TRAF3IP1: variants seen among roughly 807,000 people sequenced by gnomAD.
The protein encoded by TRAF3IP1 is intraflagellar transport 54, also known as TRAF3-interacting protein 1.
TRAF3IP1 carries 53 observed loss-of-function variants against 89.9 expected under a neutral mutation model. The observed-to-expected ratio is 0.59, with a 90% CI of 0.47 to 0.74. TRAF3IP1 has a LOEUF of 0.74. Ranked by LOEUF, TRAF3IP1 falls within the 30% of genes least tolerant of loss-of-function variation. The pLI, the probability that TRAF3IP1 is intolerant of heterozygous loss-of-function variation, is 0.00. For missense variants in TRAF3IP1, 806 were observed against 866.1 expected (o/e 0.93, Z 0.87); for synonymous variants, 311 against 322.1 (o/e 0.97, Z 0.37).
In TRAF3IP1 at chr2:238,395,206, AAG is replaced by A. The variant is rs548056680; in HGVS notation, c.1690-2243_1690-2242del. Among the ~76,000 whole-genome samples the A allele has an allele frequency of 5.3e-5, 8 of 152,234 alleles. 1 individual carries two copies. In the South Asian group the frequency reaches 1.7e-3, roughly 32 times the overall value. On this transcript the variant is annotated intron_variant, in intron 15 of 16. Coordinates refer to ENST00000373327, the MANE Select transcript of TRAF3IP1 (RefSeq NM_015650.4). ...CATAGTGAGACCCTGGCTGTAAAGA[AAG>A]AGAGAGAGAAGAAAGAAAGGGAAGA...
intron 7 of TRAF3IP1, among the ~76,000 whole-genome samples, chr2:238,336,383 C>T (rs1017988705): frequency 6.6e-6 from 1 of 152,180 alleles, no homozygotes; most frequent in Admixed American, 6.5e-5. Context: ...GCAAAGCTGG[C>T]ACTCTGCCTG....
chr2:238,380,015 G>T (rs1700478264), intron 15 of TRAF3IP1, among the ~76,000 whole-genome samples: 1 of 152,226 alleles, frequency 6.6e-6, no homozygotes, highest in Non-Finnish European at 1.5e-5. Flanking sequence ...CTGCCTATGA[G>T]ATGGAAAGGG....
chr2:238,357,289 T>A (rs1474170446), intron 15 of TRAF3IP1, among the ~76,000 whole-genome samples: 2 of 152,166 alleles, frequency 1.3e-5, no homozygotes, highest in African/African-American at 4.8e-5. Flanking sequence ...TTACAGTCAC[T>A]TTAAAGAGGA....
intron 15 of TRAF3IP1, among the ~76,000 whole-genome samples, chr2:238,368,355 A>G (rs1342074199): frequency 6.6e-6 from 1 of 152,202 alleles, no homozygotes; most frequent in Admixed American, 6.5e-5. Flanking sequence ...TCGATTTCCT[A>G]TTTATAGCAG....
chr2:238,381,749 G>T (rs1042277112), intron 15 of TRAF3IP1, among the ~76,000 whole-genome samples: 1 of 152,226 alleles, frequency 6.6e-6, no homozygotes, highest in Non-Finnish European at 1.5e-5. Flanking sequence ...AGCACCTCAC[G>T]TGAGCAGAAC....
intron 10 of TRAF3IP1, among the ~76,000 whole-genome samples, chr2:238,347,835 C>G (rs1019030072): frequency 6.6e-6 from 1 of 152,130 alleles, no homozygotes; most frequent in Non-Finnish European, 1.5e-5. Flanking sequence ...CCATGTTGGT[C>G]AAGCTGGTCT....
At chr2:238,374,248 T>C (rs1700224626) in intron 15 of TRAF3IP1, among the ~76,000 whole-genome samples, 2 of 152,256 alleles carry the variant, frequency 1.3e-5, no homozygotes, top group African/African-American at 4.8e-5. Context: ...GCCCATTCAG[T>C]ATGATATTGG....
chr2:238,355,994 T>C lies in TRAF3IP1; in HGVS notation c.1613-10T>C. ...AAACTTTTAACATAAAATCACTGATTTTTCAACAGGTGGACTTGTGAAAAA... is the reference window on the plus strand; with the variant it reads ...AAACTTTTAACATAAAATCACTGATCTTTCAACAGGTGGACTTGTGAAAAA... On this transcript the variant is annotated splice_polypyrimidine_tract_variant and intron_variant, in intron 14 of 16. Transcript: ENST00000373327. 2 of 1,610,256 alleles carry C rather than the reference T, an allele frequency of 1.2e-6. No individual in the cohort carries two copies. Among genetic ancestry groups the C allele is most frequent in the South Asian group, 1.1e-5 (1 of 90,798 alleles).
chr2:238,365,481 C>T (rs1044605858), intron 15 of TRAF3IP1, among the ~76,000 whole-genome samples: 3 of 151,924 alleles, frequency 2.0e-5, no homozygotes, highest in African/African-American at 4.8e-5. Context: ...GGCAACATAG[C>T]GAGACACCAT....
chr2:238,323,877 C>T (rs1697682961), intron 1 of TRAF3IP1, among the ~76,000 whole-genome samples: 1 of 152,030 alleles, frequency 6.6e-6, no homozygotes, highest in East Asian at 1.9e-4. Flanking sequence ...AAAATAATTG[C>T]CCTAAAAGCT....
At chr2:238,360,646 G>A (rs2106337237) in intron 15 of TRAF3IP1, among the ~76,000 whole-genome samples, 1 of 152,256 alleles carries the variant, frequency 6.6e-6, no homozygotes, top group East Asian at 1.9e-4. Flanking sequence ...CACTTTAGGA[G>A]GCCGAGGCAG....
chr2:238,361,235 G>T (rs1699647139), intron 15 of TRAF3IP1, among the ~76,000 whole-genome samples: 1 of 151,684 alleles, frequency 6.6e-6, no homozygotes. Context: ...TTTGTAGGGG[G>T]GTTTTGCTAT....
chr2:238,338,503 GT>G, intron 8 of TRAF3IP1, 46 bp downstream of exon 8: 1 of 1,047,156 alleles, frequency 9.5e-7, no homozygotes, highest in Non-Finnish European at 1.4e-6. Context: ...CCACTTTAAT[GT>G]GAATGGTTAT....
intron 15 of TRAF3IP1, among the ~76,000 whole-genome samples, chr2:238,394,268 T>C (rs1444025231): frequency 6.6e-6 from 1 of 152,246 alleles, no homozygotes; most frequent in Non-Finnish European, 1.5e-5. Context: ...TTTTAGCTAT[T>C]GTAGTTCCTT....
At chr2:238,325,745 A>G (rs932990701) in intron 2 of TRAF3IP1, 64 bp from the exon 3 acceptor site, 5 of 1,474,832 alleles carry the variant, frequency 3.4e-6, no homozygotes, top group South Asian at 2.5e-5. Context: ...TGGTAAACAT[A>G]CAGAAGATAA....
rs548656234 is a variant in TRAF3IP1, at chr2:238,390,007, C to T, written c.1690-7452C>T. Among the ~76,000 whole-genome samples, 42 of 152,240 alleles carry T rather than the reference C, an allele frequency of 2.8e-4. No homozygotes were observed. In the South Asian group the frequency reaches 8.1e-3, roughly 29 times the overall value. On this transcript the variant is annotated intron_variant, in intron 15 of 16. Transcript: ENST00000373327. ...GGAAGCATTTTCTGAAAAGTGTGTG[C>T]GCACGTGAGCACATGAAGTGGCCCA...
chr2:238,398,509 T>G (rs895148176), intron 16 of TRAF3IP1, among the ~76,000 whole-genome samples: 9 of 151,956 alleles, frequency 5.9e-5, no homozygotes, highest in East Asian at 5.8e-4. Flanking sequence ...TCCCAGAGGT[T>G]GTTCTGTATG....
chr2:238,349,431 G>C (rs370388700), intron 12 of TRAF3IP1, 23 bp downstream of exon 12: 39 of 1,609,990 alleles, frequency 2.4e-5, no homozygotes, highest in Non-Finnish European at 3.1e-5. Flanking sequence ...CAGCAGGGCA[G>C]TTCCAGCCAC....
chr2:238,336,941 T>C (rs958252122), intron 7 of TRAF3IP1, among the ~76,000 whole-genome samples: 1 of 151,894 alleles, frequency 6.6e-6, no homozygotes. Context: ...TGCTTGGTCA[T>C]TGAACATGTG....
Sources: gnomAD v4.1 joint callset for allele counts (sites outside exome capture counted in the v4.1 genomes callset) on GRCh38, gnomAD v4.1.1 for gene constraint, MANE v1.5 for transcripts, NCBI Gene and HGNC (gene_info 2026-07-23, HGNC 2026-07-21) for gene names.